Variants in KIRREL3 observed in about 807,000 individuals in gnomAD.
KIRREL3 encodes kin of IRRE-like protein 3.
In KIRREL3, 36 loss-of-function variants were observed where a neutral mutation model predicts 89.7. The ratio of observed to expected loss-of-function variants is 0.40; its 90% CI spans 0.31 to 0.53. KIRREL3 has a LOEUF of 0.53. Among genes scored for constraint, KIRREL3 ranks in the 20% least tolerant of loss-of-function variants. KIRREL3 has a pLI of 0.49. For missense variants in KIRREL3, 864 were observed against 1,056.6 expected (o/e 0.82, Z 2.53); for synonymous variants, 445 against 441.4 (o/e 1.01, Z -0.10).
In KIRREL3 at chr11:126,501,049, T is replaced by C. The variant is rs1250845016; in HGVS notation, c.433+20266A>G. 6.6e-6 allele frequency among the ~76,000 whole-genome samples: 1 copy of C among 152,222 alleles called. No individual in the cohort carries two copies. Among genetic ancestry groups the C allele is most frequent in the East Asian group, 1.9e-4 (1 of 5,194 alleles). ...GCTGCCGAGACATCTCCGTGTAGCT[T>C]TCCTGGCTCTGCCTCTCCCAGCCTC... On this transcript the variant is annotated intron_variant, in intron 4 of 16. Transcript: ENST00000525144. This position sits in a 1 kb window ranked among gnomAD's most constrained non-coding sequence, Gnocchi z 5.8.
chr11:126,629,729 C>T (rs1033465848), intron 1 of KIRREL3, among the ~76,000 whole-genome samples: 19 of 152,166 alleles, frequency 1.2e-4, no homozygotes, highest in African/African-American at 4.1e-4. Flanking sequence ...TATTTTCTGG[C>T]GCTTTCTTTG....
At chr11:126,911,752 G>C (rs1289975711) in intron 1 of KIRREL3, among the ~76,000 whole-genome samples, 3 of 152,164 alleles carry the variant, frequency 2.0e-5, no homozygotes, top group Non-Finnish European at 4.4e-5. Context: ...GGGAGGCTGA[G>C]GTGGGCGGAT....
chr11:126,438,332 C>T (rs1955438216), intron 11 of KIRREL3, among the ~76,000 whole-genome samples: 1 of 152,258 alleles, frequency 6.6e-6, no homozygotes, highest in African/African-American at 2.4e-5. Flanking sequence ...ACTGTCTGCA[C>T]CTCATCGTGT....
chr11:126,794,258 C>G (rs1304006563), intron 1 of KIRREL3, among the ~76,000 whole-genome samples: 1 of 152,160 alleles, frequency 6.6e-6, no homozygotes, highest in Non-Finnish European at 1.5e-5. Context: ...TTGTCTATCT[C>G]CTGGATAATT....
Position 126,734,988 on chromosome 11 carries a change from C to T in KIRREL3, c.56-172076G>A, listed in dbSNP as rs974479675. ...GTCAATGTGCACTGCCTGCAGCAAGCATAGCAGTTTGGCAGGGAGGCTCAT... is the reference window on the plus strand; with the variant it reads ...GTCAATGTGCACTGCCTGCAGCAAGTATAGCAGTTTGGCAGGGAGGCTCAT... On this transcript the variant is annotated intron_variant, in intron 1 of 16. Coordinates refer to ENST00000525144, the MANE Select transcript of KIRREL3 (RefSeq NM_032531.4). The surrounding 1 kb of genome is among the most constrained non-coding windows in gnomAD (Gnocchi z 5.9). 1.3e-5 allele frequency among the ~76,000 whole-genome samples: 2 copies of T among 152,162 alleles called. No individual in the cohort carries two copies. Among genetic ancestry groups the T allele is most frequent in the Non-Finnish European group, 2.9e-5 (2 of 68,030 alleles).
chr11:126,961,666 T>G (rs1451216692), intron 1 of KIRREL3, among the ~76,000 whole-genome samples: 1 of 152,250 alleles, frequency 6.6e-6, no homozygotes, highest in Admixed American at 6.5e-5. Context: ...GCAGAAGATC[T>G]AGCTAAGATG....
chr11:126,746,061 T>C (rs890273227), intron 1 of KIRREL3, among the ~76,000 whole-genome samples: 1 of 152,200 alleles, frequency 6.6e-6, no homozygotes, highest in African/African-American at 2.4e-5. Flanking sequence ...TGCCACTCCA[T>C]CTGCTTTTTG....
intron 1 of KIRREL3, among the ~76,000 whole-genome samples, chr11:126,963,683 T>C (rs1949169245): frequency 6.6e-6 from 1 of 152,206 alleles, no homozygotes; most frequent in Admixed American, 6.5e-5. Flanking sequence ...ATCATCTCCT[T>C]ATACCCCAAA....
Position 126,686,663 on chromosome 11 carries a change from T to C in KIRREL3, c.56-123751A>G, listed in dbSNP as rs564427517. Among the ~76,000 whole-genome samples the C allele has an allele frequency of 6.6e-6, 1 of 152,298 alleles. No individual in the cohort carries two copies. The highest frequency in any genetic ancestry group is 1.9e-4 in the East Asian group (1 of 5,180). On this transcript the variant is annotated intron_variant, in intron 1 of 16. Transcript: ENST00000525144. This position sits in a 1 kb window ranked among gnomAD's most constrained non-coding sequence, Gnocchi z 4.7. ...GGCGTGATCTTGGCTCACTGCAACC[T>C]CGGCCTCTCCAGTTCAAGCAGTTCT...
At chr11:126,438,173 G>C (rs1955432357) in intron 11 of KIRREL3, among the ~76,000 whole-genome samples, 2 of 152,260 alleles carry the variant, frequency 1.3e-5, no homozygotes, top group Non-Finnish European at 2.9e-5. Flanking sequence ...GTGGGTGTGA[G>C]TTAGGACAGC....
Position 126,891,611 on chromosome 11 carries a change from C to T in KIRREL3, c.55+108844G>A, listed in dbSNP as rs552990783. ...CTGTCAGGGAGCAAACGGCAGAAGC[C>T]AGTCTCAGGGAAGCCAGTGGCCTGA... On this transcript the variant is annotated intron_variant, in intron 1 of 16. Transcript: ENST00000525144. The surrounding 1 kb of genome is among the most constrained non-coding windows in gnomAD (Gnocchi z 5.1). 2.3e-3 allele frequency among the ~76,000 whole-genome samples: 353 copies of T among 152,334 alleles called. 6 individuals carry two copies. The highest frequency in any genetic ancestry group is 6.0e-4 in the Non-Finnish European group (41 of 68,028).
Position 126,474,410 on chromosome 11 carries a change from G to A in KIRREL3, c.434-944C>T, listed in dbSNP as rs992134701. Among the ~76,000 whole-genome samples the A allele has an allele frequency of 6.6e-6, 1 of 152,230 alleles. No individual in the cohort carries two copies. Among genetic ancestry groups the A allele is most frequent in the Non-Finnish European group, 1.5e-5 (1 of 68,038 alleles). On this transcript the variant is annotated intron_variant, in intron 4 of 16. Coordinates refer to ENST00000525144, the MANE Select transcript of KIRREL3 (RefSeq NM_032531.4). This position sits in a 1 kb window ranked among gnomAD's most constrained non-coding sequence, Gnocchi z 6.7. Reference sequence around the variant, plus strand: ...AAGGTCACATGGTGGCAGAGCCAGGGCTGGAGGCCAGGCCCAGGGAACCTG... The same window carrying A: ...AAGGTCACATGGTGGCAGAGCCAGGACTGGAGGCCAGGCCCAGGGAACCTG...
chr11:126,591,465 C>A (rs1397566392), intron 1 of KIRREL3, among the ~76,000 whole-genome samples: 1 of 152,148 alleles, frequency 6.6e-6, no homozygotes, highest in Non-Finnish European at 1.5e-5. Flanking sequence ...GCACATGTAA[C>A]CTGCACTTCC....
intron 1 of KIRREL3, among the ~76,000 whole-genome samples, chr11:126,633,346 G>A (rs1027720420): frequency 1.3e-5 from 2 of 151,940 alleles, no homozygotes; most frequent in African/African-American, 4.8e-5. Context: ...ATTTTTAGAA[G>A]AAATAAAGAG....
At chr11:126,888,141 C>T (rs934081887) in intron 1 of KIRREL3, among the ~76,000 whole-genome samples, 7 of 152,178 alleles carry the variant, frequency 4.6e-5, no homozygotes, top group African/African-American at 1.2e-4. Flanking sequence ...AAACATACAG[C>T]ACATACTGGA....
rs1023306811 is a variant in KIRREL3 at position 126,908,777 on chromosome 11, G to T, written c.55+91678C>A. On this transcript the variant is annotated intron_variant, in intron 1 of 16. Transcript: ENST00000525144. This position sits in a 1 kb window ranked among gnomAD's most constrained non-coding sequence, Gnocchi z 4.2. ...TAGTCTAGGTAGGAAGATAAATGTC[G>T]AACAAAGACTCAGGCAAATATATGC... Among the ~76,000 whole-genome samples the T allele has an allele frequency of 6.6e-6, 1 of 152,022 alleles. No homozygotes were observed. Among genetic ancestry groups the T allele is most frequent in the Non-Finnish European group, 1.5e-5 (1 of 68,034 alleles).
chr11:126,511,137 C>T (rs1460821768), intron 4 of KIRREL3, among the ~76,000 whole-genome samples: 1 of 151,614 alleles, frequency 6.6e-6, no homozygotes, highest in African/African-American at 2.4e-5. Context: ...GGGATGTCAC[C>T]AGGTATGCCA....
In KIRREL3 at chr11:126,905,401, C is replaced by T. The variant is rs957498867; in HGVS notation, c.55+95054G>A. ...ACAACGCTATCCTGGGGTAAAGAGC[C>T]CTAAATAATTGCAATGCATCAACTT... On this transcript the variant is annotated intron_variant, in intron 1 of 16. Coordinates refer to ENST00000525144, the MANE Select transcript of KIRREL3 (RefSeq NM_032531.4). The surrounding 1 kb of genome is among the most constrained non-coding windows in gnomAD (Gnocchi z 5.0). 4.6e-5 allele frequency among the ~76,000 whole-genome samples: 7 copies of T among 152,054 alleles called. No individual in the cohort carries two copies. Among genetic ancestry groups the T allele is most frequent in the Non-Finnish European group, 4.4e-5 (3 of 67,996 alleles).
chr11:126,456,358 G>T lies in KIRREL3; in HGVS notation c.839C>A (p.Thr280Asn). The T allele has an allele frequency of 4.4e-6, 7 of 1,583,012 alleles. No individual in the cohort carries two copies. The highest frequency in any genetic ancestry group is 4.3e-6 in the Non-Finnish European group (5 of 1,164,146). ...HCSAKANPAV[T>N]QYRWAKRGQI... ...CAGCAGTGACTCTCACCTGTACTGG[G>T]TGACAGCTGGGTTGGCCTTTGCAGA... Residue 280 changes from threonine (T) to asparagine (N), a missense_variant, in exon 7 of 17, where the codon ACC (threonine) becomes AAC (asparagine). Physicochemically the swap from Thr to Asn is moderately conservative, Grantham distance 65. Coordinates refer to ENST00000525144, the MANE Select transcript of KIRREL3 (RefSeq NM_032531.4).
Sources: allele counts gnomAD v4.1 joint callset (sites outside exome capture counted in the v4.1 genomes callset), GRCh38; gene constraint gnomAD v4.1.1; non-coding constraint Gnocchi (gnomAD v3.1); transcripts MANE v1.5; gene names NCBI Gene and HGNC (gene_info 2026-07-23, HGNC 2026-07-21).